The following MYOT variants were observed in gnomAD, a reference collection of about 807,000 sequenced individuals.
MYOT encodes myotilin.
MYOT carries 36 observed loss-of-function variants against 58.0 expected under a neutral mutation model. That is an observed-to-expected ratio of 0.62 (90% CI 0.48 to 0.82). MYOT has a LOEUF of 0.82. MYOT is among the 40% of genes least tolerant of loss of function. The pLI, the probability that MYOT is intolerant of heterozygous loss-of-function variation, is 0.00. For missense variants in MYOT, 505 were observed against 592.1 expected (o/e 0.85, Z 1.53); for synonymous variants, 218 against 204.6 (o/e 1.07, Z -0.56).
Position 137,882,067 on chromosome 5 carries a change from T to C in MYOT, c.778T>C (p.Ser260Pro), listed in dbSNP as rs775845919. The C allele has an allele frequency of 9.3e-6, 15 of 1,614,134 alleles. No individual in the cohort carries two copies. Among genetic ancestry groups the C allele is most frequent in the Non-Finnish European group, 1.3e-5 (15 of 1,180,018 alleles). Residue 260 changes from serine (S) to proline (P), a missense_variant, in exon 6 of 10, where the codon TCG becomes CCG. Coordinates refer to ENST00000239926, the MANE Select transcript of MYOT (RefSeq NM_006790.3). ...PRFIQVPENM[S>P]IDEGRFCRMD... ...TTTCATTCAAGTGCCAGAGAACATG[T>C]CGATTGATGAAGGAAGATTCTGCAG...
chr5:137,885,926 C>A (rs1421496188), intron 7 of MYOT, 122 bp from the exon 8 acceptor site: 2 of 632,770 alleles, frequency 3.2e-6, no homozygotes, highest in Admixed American at 3.0e-5. Context: ...TACTGAGTTT[C>A]TTTCTGTTGC....
chr5:137,878,152 G>A (rs912363762), intron 4 of MYOT, among the ~76,000 whole-genome samples: 9 of 151,154 alleles, frequency 6.0e-5, no homozygotes, highest in South Asian at 4.2e-4. Flanking sequence ...ATTAACAAAT[G>A]TATCCTTTCC....
At chr5:137,874,403 G>A (rs1755144998) in intron 2 of MYOT, among the ~76,000 whole-genome samples, 1 of 152,094 alleles carries the variant, frequency 6.6e-6, no homozygotes, top group Non-Finnish European at 1.5e-5. Flanking sequence ...GGAGGCAGAG[G>A]TTGCAGTGAG....
chr5:137,879,514 ATCT>A (rs1755345873), intron 4 of MYOT, among the ~76,000 whole-genome samples: 4 of 136,874 alleles, frequency 2.9e-5, no homozygotes, highest in African/African-American at 1.1e-4. Flanking sequence ...ATGATGGTTC[ATCT>A]TTTTTTTTTT....
intron 2 of MYOT, 40 bp from the exon 3 acceptor site, chr5:137,875,789 G>T: frequency 2.5e-6 from 4 of 1,606,034 alleles, no homozygotes; most frequent in Non-Finnish European, 3.4e-6. Flanking sequence ...ATGAGGCCAA[G>T]ACCTTCTTTT....
intron 2 of MYOT, among the ~76,000 whole-genome samples, chr5:137,872,893 T>C (rs1755094813): frequency 1.3e-5 from 2 of 152,218 alleles, no homozygotes; most frequent in Non-Finnish European, 2.9e-5. Flanking sequence ...TTCAATTTTC[T>C]GGTCTGTAGC....
chr5:137,886,688 G>T, intron 8 of MYOT, 176 bp from the exon 9 acceptor site: 1 of 644,434 alleles, frequency 1.6e-6, no homozygotes. Flanking sequence ...AGCAGAGGGA[G>T]ACAGCACCCA....
chr5:137,873,111 A>G (rs924320055), intron 2 of MYOT, among the ~76,000 whole-genome samples: 2 of 152,146 alleles, frequency 1.3e-5, no homozygotes, highest in African/African-American at 4.8e-5. Flanking sequence ...ATCCTTCAGG[A>G]CTTCTCAGAT....
chr5:137,880,680 C>CTGAA, intron 4 of MYOT, 136 bp from the exon 5 acceptor site: 1 of 711,848 alleles, frequency 1.4e-6, no homozygotes, highest in Non-Finnish European at 2.5e-6. Flanking sequence ...GGCTTAAAAG[C>CTGAA]TGAATATATA....
At position 137,883,564 on chromosome 5, in the gene MYOT, AC is replaced by A. The variant is rs1232720701; in HGVS notation, c.999del (p.Phe334SerfsTer28). On this transcript the variant is annotated frameshift_variant, in exon 7 of 10. Transcript: ENST00000239926. LOFTEE classifies it high-confidence loss of function. ...TGCCAAGAATAGAGCAGGAGAAGCC[AC>A]CTTCACTGTGCAGCTGGATGTCCTT... Reference protein sequence around the residue: ...CVAKNRAGEATFTVQLDVLAK... With the variant: ...CVAKNRAGEAXFTVQLDVLAK... The A allele has an allele frequency of 3.7e-6, 6 of 1,614,192 alleles. No homozygotes were observed. Among genetic ancestry groups the A allele is most frequent in the Non-Finnish European group, 5.1e-6 (6 of 1,180,012 alleles).
intron 6 of MYOT, 26 bp downstream of exon 6, chr5:137,882,131 G>A: frequency 1.2e-6 from 2 of 1,613,278 alleles, no homozygotes; most frequent in Non-Finnish European, 1.7e-6. Context: ...AAAAGTACTG[G>A]GGGAAAATTA....
At chr5:137,878,462 T>G (rs1450837435) in intron 4 of MYOT, among the ~76,000 whole-genome samples, 1 of 151,564 alleles carries the variant, frequency 6.6e-6, no homozygotes, top group African/African-American at 2.4e-5. Flanking sequence ...AGTGCTAGGA[T>G]TATAGGCATG....
At chr5:137,878,116 A>AAC (rs1755291545) in intron 4 of MYOT, among the ~76,000 whole-genome samples, 1 of 152,318 alleles carries the variant, frequency 6.6e-6, no homozygotes, top group Admixed American at 6.5e-5. Context: ...AACCAAAAAA[A>AAC]ACCCCTCATG....
Position 137,886,174 on chromosome 5 carries a change from G to T in MYOT, c.1151G>T (p.Arg384Ile). ...AIPPPKLFWK[R>I]NNEMVQFNTD... ...CCTCCACCAAAGCTTTTCTGGAAAA[G>T]AAATAATGAAATGGTACAATTCAAC... is the stretch of plus-strand genomic sequence containing the variant. Residue 384 changes from arginine (R) to isoleucine (I), a missense_variant, in exon 8 of 10, where the codon AGA (arginine) becomes ATA (isoleucine). Transcript: ENST00000239926. The T allele has an allele frequency of 6.2e-7, 1 of 1,612,216 alleles. No individual in the cohort carries two copies. Among genetic ancestry groups the T allele is most frequent in the Non-Finnish European group, 8.5e-7 (1 of 1,178,602 alleles).
rs986408026 is a variant in MYOT at position 137,887,291 on chromosome 5, G to C, written c.1403G>C (p.Gly468Ala). ...TTCAGCAAATATTTAGCACTTAATG[G>C]GAAAGGTTTGAATGTAAAACAAGCT... ...PTFSKYLALN[G>A]KGLNVKQAFN... is the part of the protein sequence containing the mutation. The change falls in exon 10 of 10, where the codon GGG (glycine) becomes GCG (alanine). Residue 468 changes from glycine to alanine, a missense_variant. Coordinates refer to ENST00000239926, the MANE Select transcript of MYOT (RefSeq NM_006790.3). The C allele has an allele frequency of 1.2e-6, 2 of 1,613,998 alleles. No individual in the cohort carries two copies. The highest frequency in any genetic ancestry group is 3.3e-5 in the Admixed American group (2 of 60,022).
At chr5:137,874,453 C>A (rs866793388) in intron 2 of MYOT, among the ~76,000 whole-genome samples, 1 of 151,888 alleles carries the variant, frequency 6.6e-6, no homozygotes, top group Non-Finnish European at 1.5e-5. Context: ...GGCAACAGAG[C>A]GGGACTCCAT....
intron 1 of MYOT, among the ~76,000 whole-genome samples, 157 bp from the exon 2 acceptor site, chr5:137,870,284 G>GA: frequency 1.1e-5 from 1 of 89,424 alleles, no homozygotes; most frequent in African/African-American, 4.4e-5. Flanking sequence ...GGGCGATTAA[G>GA]CAAGACACAC....
chr5:137,873,218 ATT>A (rs201172691), intron 2 of MYOT, among the ~76,000 whole-genome samples: 1 of 136,160 alleles, frequency 7.3e-6, no homozygotes, highest in Admixed American at 7.7e-5. Flanking sequence ...ATAAGCTAGC[ATT>A]TTTAAAAAAA....
chr5:137,887,279 T>C lies in MYOT; in HGVS notation c.1391T>C (p.Leu464Ser), dbSNP rs777693396. Residue 464 changes from leucine (L) to serine (S), a missense_variant, in exon 10 of 10, where the codon TTA becomes TCA. Physicochemically the swap from Leu to Ser is moderately radical, Grantham distance 145. Transcript: ENST00000239926. The stretch of plus-strand genomic sequence containing the variant: ...GTTCGACCAACATTCAGCAAATATT[T>C]AGCACTTAATGGGAAAGGTTTGAAT... ...LRVRPTFSKY[L>S]ALNGKGLNVK... The C allele has an allele frequency of 6.2e-6, 10 of 1,614,028 alleles. No homozygotes were observed. The South Asian group carries it at 9.9e-5, about 16-fold the overall frequency.
Sources: gnomAD v4.1 joint callset for allele counts (sites outside exome capture counted in the v4.1 genomes callset) on GRCh38, gnomAD v4.1.1 for gene constraint, MANE v1.5 for transcripts, NCBI Gene and HGNC (gene_info 2026-07-23, HGNC 2026-07-21) for gene names.